Variants in WDR74 observed in about 807,000 individuals in gnomAD.
WDR74 encodes WD repeat-containing protein 74.
Under a neutral mutation model 45.6 loss-of-function variants are expected in WDR74, and 31 were observed. The observed-to-expected ratio is 0.68, with a 90% confidence interval of 0.51 to 0.92. The LOEUF is 0.92. Among genes scored for constraint, WDR74 ranks in the 40% least tolerant of loss-of-function variants. The pLI is 0.00. For synonymous variants in WDR74, 191 were observed against 192.4 expected (o/e 0.99, Z 0.06); for missense variants, 455 against 497.2 (o/e 0.92, Z 0.81).
chr11:62,838,522 T>A (rs1285467730), intron 3 of WDR74, among the ~76,000 whole-genome samples: 2 of 150,102 alleles, frequency 1.3e-5, no homozygotes, highest in African/African-American at 4.9e-5. Context: ...ACTTTGGGAG[T>A]CCGAGGCAGG....
At chr11:62,839,046 T>C in intron 3 of WDR74, 68 bp downstream of exon 3, 2 of 1,593,250 alleles carry the variant, frequency 1.3e-6, no homozygotes. Flanking sequence ...TCGCCATCAT[T>C]CCAGTATCCT....
Position 62,833,838 on chromosome 11 carries a change from A to T in WDR74, c.875T>A (p.Val292Asp), listed in dbSNP as rs376357333. 3 of 1,613,642 alleles carry T rather than the reference A, an allele frequency of 1.9e-6. No individual in the cohort carries two copies. Among genetic ancestry groups the T allele is most frequent in the Non-Finnish European group, 2.5e-6 (3 of 1,179,812 alleles). The change falls in exon 9 of 11, where the codon GTC becomes GAC. Residue 292 changes from valine to aspartate, a missense_variant. Coordinates refer to ENST00000278856, the MANE Select transcript of WDR74 (RefSeq NM_001369450.1). Reference sequence around the variant, plus strand: ...ATTCTGGATCCTGTGTATCCTCAAGACTCTGTCCAAGCCACAGGAGGCTAG... The same window carrying T: ...ATTCTGGATCCTGTGTATCCTCAAGTCTCTGTCCAAGCCACAGGAGGCTAG... Reference protein sequence around the residue: ...PLLASCGLDRVLRIHRIQNPR... With the variant: ...PLLASCGLDRDLRIHRIQNPR...
At chr11:62,841,312 G>C (rs1292264569), upstream of WDR74, among the ~76,000 whole-genome samples, 3 of 151,578 alleles carry the variant, frequency 2.0e-5, no homozygotes, top group Admixed American at 6.6e-5. Context: ...GCAAGACGAC[G>C]TCTCAAAAAA....
upstream of WDR74, chr11:62,839,834 T>C (rs114010454): frequency 5.4e-4 from 281 of 523,026 alleles, 1 homozygote; most frequent in African/African-American, 5.1e-3. Context: ...CCCTAGTCTG[T>C]CTCCCGGCTC....
upstream of WDR74, chr11:62,841,700 A>T (rs79870784): frequency 3.3e-5 from 5 of 152,318 alleles, no homozygotes; most frequent in East Asian, 5.8e-4. Flanking sequence ...TCCATCTCCT[A>T]TTTCCAAAAA....
upstream of WDR74, among the ~76,000 whole-genome samples, chr11:62,840,973 A>C (rs1278386261): frequency 6.6e-6 from 1 of 152,026 alleles, no homozygotes; most frequent in Non-Finnish European, 1.5e-5. Flanking sequence ...TCACGAGCTC[A>C]GGAGATCGAG....
In WDR74 at chr11:62,833,088, T is replaced by C. The variant is rs1236100951; in HGVS notation, c.1022A>G (p.Glu341Gly). 25 of 1,612,504 alleles carry C rather than the reference T, an allele frequency of 1.6e-5. No homozygotes were observed. The highest frequency in any genetic ancestry group is 4.0e-5 in the African/African-American group (3 of 74,738). ...EPQEPNKVPL[E>G]DTETDELWAS... is the part of the protein sequence containing the mutation. ...CCAAAGTTCATCTGTCTCTGTGTCTTCTAGGGGCACCTTGTTGGGTTCTTG... is the reference window on the plus strand; with the variant it reads ...CCAAAGTTCATCTGTCTCTGTGTCTCCTAGGGGCACCTTGTTGGGTTCTTG... Residue 341 changes from glutamate to glycine, a missense_variant, in exon 11 of 11, where the codon GAA becomes GGA. Transcript: ENST00000278856.
upstream of WDR74, chr11:62,840,005 AT>A (rs892430677): frequency 1.6e-4 from 25 of 155,454 alleles, no homozygotes; most frequent in South Asian, 7.1e-4. Context: ...GAAACCGACG[AT>A]TTTTTTTTTC....
intron 6 of WDR74, chr11:62,834,736 G>A: frequency 1.8e-6 from 1 of 553,664 alleles, no homozygotes; most frequent in Non-Finnish European, 3.2e-6. Flanking sequence ...TGAGGGGAGA[G>A]GTCCCCTAGG....
chr11:62,841,627 C>G (rs956531744), upstream of WDR74: 4 of 152,338 alleles, frequency 2.6e-5, no homozygotes, highest in Admixed American at 6.5e-5. Context: ...AGGGAGAGTG[C>G]ACCGTTCCTG....
rs1255512418 is a variant in WDR74, at chr11:62,838,619, G to A, written c.293+495C>T. On this transcript the variant is annotated intron_variant, in intron 3 of 10. Transcript: ENST00000278856. ...ACTAAAGATACAAAAATAGCCGCGC[G>A]TGGTGGCAGACGCCTGTAATCCCAG... Among the ~76,000 whole-genome samples, 8 of 151,932 alleles carry A rather than the reference G, an allele frequency of 5.3e-5. No homozygotes were observed. In the South Asian group the frequency reaches 1.2e-3, roughly 24 times the overall value.
chr11:62,841,293 G>A (rs1380008159), upstream of WDR74, among the ~76,000 whole-genome samples: 1 of 152,074 alleles, frequency 6.6e-6, no homozygotes, highest in Non-Finnish European at 1.5e-5. Context: ...CTCTAGCCTG[G>A]GCGACAGAGC....
At chr11:62,839,063 G>A (rs2134897163) in intron 3 of WDR74, 51 bp downstream of exon 3, 2 of 1,607,236 alleles carry the variant, frequency 1.2e-6, no homozygotes, top group Non-Finnish European at 1.7e-6. Context: ...TCCTCAGGGA[G>A]CATCAACGCT....
chr11:62,835,867 C>G (rs202145747), intron 4 of WDR74, 26 bp from the exon 5 acceptor site: 1 of 1,600,080 alleles, frequency 6.2e-7, no homozygotes, highest in Non-Finnish European at 8.5e-7. Flanking sequence ...GATAAGAGTC[C>G]GTTCCAGAGT....
chr11:62,837,515 C>CAAA (rs367604130), intron 3 of WDR74, among the ~76,000 whole-genome samples: 1 of 130,446 alleles, frequency 7.7e-6, no homozygotes, highest in East Asian at 2.2e-4. Flanking sequence ...AAACAAAAAA[C>CAAA]AAAAAAAAAA....
chr11:62,840,958 G>C (rs1018144731), upstream of WDR74, among the ~76,000 whole-genome samples: 4 of 152,156 alleles, frequency 2.6e-5, no homozygotes, highest in Non-Finnish European at 5.9e-5. Context: ...GCCGAGGCGG[G>C]CGGATCACGA....
rs780356662 is a variant in WDR74, at chr11:62,833,009, T to C, written c.1101A>G (p.Gln367=). 3.7e-6 allele frequency: 6 copies of C among 1,610,630 alleles called. No individual in the cohort carries two copies. The South Asian group carries it at 4.4e-5, about 12-fold the overall frequency. The change falls in exon 11 of 11, where the codon CAA becomes CAG. Residue 367 remains glutamine, a synonymous_variant. Transcript: ENST00000278856. ...TTCTCCGTCTCGTTTGGAGAGCTCC[T>C]TGGGGCTGCTCCAAACCCGAGAGCT... ...KRKLSGLEQP[Q]GALQTRRRKK...
At chr11:62,841,466 A>C (rs1042672796), upstream of WDR74, 5 of 152,156 alleles carry the variant, frequency 3.3e-5, no homozygotes, top group African/African-American at 4.8e-5. Flanking sequence ...ATAAAACAAA[A>C]CCTTCTCTCA....
At chr11:62,834,570 A>G in intron 6 of WDR74, 43 bp from the exon 7 acceptor site, 1 of 1,551,190 alleles carries the variant, frequency 6.4e-7, no homozygotes, top group Non-Finnish European at 8.7e-7. Flanking sequence ...CTCACCCTGC[A>G]CCTACCCTCT....
Sources: allele counts gnomAD v4.1 joint callset (sites outside exome capture counted in the v4.1 genomes callset), GRCh38; gene constraint gnomAD v4.1.1; transcripts MANE v1.5; gene names NCBI Gene and HGNC (gene_info 2026-07-23, HGNC 2026-07-21).